The following RBMX2 variants were observed in gnomAD, a reference collection of about 807,000 sequenced individuals.
RBMX2 encodes RNA binding motif protein X-linked 2.
For missense variants in RBMX2, 191 were observed against 256.0 expected (o/e 0.75, Z 1.73); for synonymous variants, 77 against 94.3 (o/e 0.82, Z 1.07).
chrX:130,403,537 T>G (rs762320868), intron 2 of RBMX2, among the ~76,000 whole-genome samples: 1 of 110,797 alleles, frequency 9.0e-6, no homozygotes, highest in Non-Finnish European at 1.9e-5. Flanking sequence ...CCTGGCTGAT[T>G]TTTTTTTGTA....
rs1399516016 is a variant in RBMX2, at chrX:130,412,825, C to G, written c.946C>G (p.Pro316Ala). Residue 316 changes from proline (P) to alanine (A), a missense_variant, in exon 6 of 6, where the codon CCC becomes GCC. Coordinates refer to ENST00000305536, the MANE Select transcript of RBMX2 (RefSeq NM_016024.4). Reference protein sequence around the residue: ...RRSRERESSNPSDRWRH With the variant: ...RRSRERESSNASDRWRH ...CTCCCGGGAGCGGGAGTCTTCGAAT[C>G]CCAGTGACCGTTGGCGTCACTGAAG... The G allele has an allele frequency of 1.7e-6, 2 of 1,209,366 alleles. No individual in the cohort carries two copies. Among genetic ancestry groups the G allele is most frequent in the African/African-American group, 3.5e-5 (2 of 57,615 alleles).
chrX:130,405,729 C>T (rs1048355415), intron 3 of RBMX2, among the ~76,000 whole-genome samples: 13 of 109,225 alleles, frequency 1.2e-4, no homozygotes, highest in Non-Finnish European at 2.5e-4. Context: ...AAGGTTGTAC[C>T]AATTTCCACA....
intron 2 of RBMX2, among the ~76,000 whole-genome samples, chrX:130,403,593 G>T (rs903010014): frequency 9.0e-6 from 1 of 111,113 alleles, no homozygotes; most frequent in Non-Finnish European, 1.9e-5. Flanking sequence ...GGCTGGTCTC[G>T]AACACCTGAC....
At chrX:130,409,651 G>A (rs2034502695) in intron 4 of RBMX2, among the ~76,000 whole-genome samples, 1 of 111,637 alleles carries the variant, frequency 9.0e-6, no homozygotes, top group Admixed American at 9.5e-5. Flanking sequence ...TCTCATCCAG[G>A]CCTCTGTTTT....
chrX:130,411,961 C>T (rs765009921), intron 5 of RBMX2, among the ~76,000 whole-genome samples: 2 of 111,723 alleles, frequency 1.8e-5, no homozygotes, highest in African/African-American at 6.5e-5. Flanking sequence ...AAGTTTCTGT[C>T]GCCCAGGCTG....
At chrX:130,403,539 T>G (rs767745157) in intron 2 of RBMX2, among the ~76,000 whole-genome samples, 3 of 111,226 alleles carry the variant, frequency 2.7e-5, no homozygotes, top group Admixed American at 9.5e-5. Context: ...TGGCTGATTT[T>G]TTTTTGTATT....
chrX:130,406,673 CAAA>C (rs760646561), intron 3 of RBMX2, among the ~76,000 whole-genome samples: 5 of 58,753 alleles, frequency 8.5e-5, no homozygotes, highest in Non-Finnish European at 3.5e-5. Flanking sequence ...ACTCTGTCTC[CAAA>C]AAAAAAAAAA....
chrX:130,408,950 C>G (rs1320039720), intron 3 of RBMX2, among the ~76,000 whole-genome samples: 7 of 112,174 alleles, frequency 6.2e-5, no homozygotes, highest in African/African-American at 2.3e-4. Context: ...TTAATTGGCT[C>G]ATAACGTTTT....
At position 130,411,752 on chromosome X, in the gene RBMX2, C is replaced by T. The variant is rs765771417; in HGVS notation, c.481+227C>T. Among the ~76,000 whole-genome samples the T allele has an allele frequency of 3.3e-4, 37 of 110,708 alleles. 1 individual carries two copies. The Admixed American group carries it at 3.4e-3, about 10-fold the overall frequency. The stretch of plus-strand genomic sequence containing the variant: ...TCCTAACCCTCAGCACCTCAGAATG[C>T]GACTGTATTTGGAGATAAGGTCTTT... On this transcript the variant is annotated intron_variant, in intron 5 of 5. Transcript: ENST00000305536.
chrX:130,407,635 G>A (rs1257062023), intron 3 of RBMX2, among the ~76,000 whole-genome samples: 2 of 108,529 alleles, frequency 1.8e-5, no homozygotes, highest in Admixed American at 9.8e-5. Context: ...TTTGTAAGGC[G>A]TAAGGTAGTT....
intron 2 of RBMX2, 89 bp downstream of exon 2, chrX:130,402,459 T>A (rs201930419): frequency 8.9e-7 from 1 of 1,120,472 alleles, no homozygotes; most frequent in Non-Finnish European, 1.2e-6. Context: ...TCACTCCTGC[T>A]TACATTCATC....
intron 3 of RBMX2, among the ~76,000 whole-genome samples, chrX:130,405,840 T>TCATCATCAGTGAGGTTGAACATC (rs1569459974): frequency 1.1e-4 from 3 of 28,332 alleles, no homozygotes; most frequent in Admixed American, 3.8e-4. Context: ...TGCCTTTTTT[T>TCATCATCAGTGAGGTTGAACATC]TTTTTTTTTT....
rs777527532 is a variant in RBMX2, at chrX:130,413,513, T to G, written c.*665T>G. On this transcript the variant is annotated 3_prime_UTR_variant, in exon 6 of 6. Coordinates refer to ENST00000305536, the MANE Select transcript of RBMX2 (RefSeq NM_016024.4). ...GCCTCTGTCTAGTTCCAAAACATTT[T>G]TTATCATCCCAAAATGAAACCCTGT... Among the ~76,000 whole-genome samples the G allele has an allele frequency of 9.1e-6, 1 of 110,360 alleles. No individual in the cohort carries two copies. The highest frequency in any genetic ancestry group is 3.9e-4 in the South Asian group (1 of 2,549).
chrX:130,402,978 A>C (rs1463452959), intron 2 of RBMX2, among the ~76,000 whole-genome samples: 2 of 112,888 alleles, frequency 1.8e-5, no homozygotes, highest in Non-Finnish European at 3.7e-5. Context: ...TCTTATAATA[A>C]TCTTGCGAGT....
rs1323506903 is a variant in RBMX2 at position 130,413,036 on chromosome X, C to T, written c.*188C>T. 1 of 427,968 alleles carries T rather than the reference C, an allele frequency of 2.3e-6. No homozygotes were observed. The highest frequency in any genetic ancestry group is 3.9e-6 in the Non-Finnish European group (1 of 257,451). The allele number at this position is 427,968 out of a possible 1,213,427, so 35.3% of individuals were successfully genotyped here. A position where few individuals can be genotyped will look rare whatever the true frequency, so the allele number is the denominator to read the frequency against. On this transcript the variant is annotated 3_prime_UTR_variant, in exon 6 of 6. Transcript: ENST00000305536. Reference sequence around the variant, plus strand: ...ATATCCTGGATATTGTTTGCACCATCCATTGTCCCTGTACCAGAGTATGTA... The same window carrying T: ...ATATCCTGGATATTGTTTGCACCATTCATTGTCCCTGTACCAGAGTATGTA...
intron 5 of RBMX2, 35 bp downstream of exon 5, chrX:130,411,560 G>A: frequency 9.2e-7 from 1 of 1,091,726 alleles, no homozygotes; most frequent in Non-Finnish European, 1.2e-6. Flanking sequence ...GATTCTGGGT[G>A]GTCTTAATGT....
chrX:130,406,416 G>GTAATCCTA (rs1387801280), intron 3 of RBMX2, among the ~76,000 whole-genome samples: 2 of 109,801 alleles, frequency 1.8e-5, no homozygotes, highest in Non-Finnish European at 3.8e-5. Context: ...GCTCACGCCT[G>GTAATCCTA]TAATCCTAGC....
intron 2 of RBMX2, 131 bp downstream of exon 2, chrX:130,402,501 G>T: frequency 9.5e-7 from 1 of 1,049,289 alleles, no homozygotes; most frequent in South Asian, 2.4e-5. Context: ...CTGTCTGCCC[G>T]GGAATCCGTG....
rs776103740 is a variant in RBMX2, at chrX:130,402,664, G to T, written c.121+294G>T. Among the ~76,000 whole-genome samples, 27 of 111,794 alleles carry T rather than the reference G, an allele frequency of 2.4e-4. No individual in the cohort carries two copies. In the South Asian group the frequency reaches 9.4e-3, roughly 39 times the overall value. ...CCATTATACTGCTGAGGAAATTGGG[G>T]TGCAGAGAAGTTAAGGGACTTCCTT... On this transcript the variant is annotated intron_variant, in intron 2 of 5. Transcript: ENST00000305536.
Sources: allele counts gnomAD v4.1 joint callset (sites outside exome capture counted in the v4.1 genomes callset), GRCh38; gene constraint gnomAD v4.1.1; transcripts MANE v1.5; gene names NCBI Gene and HGNC (gene_info 2026-07-23, HGNC 2026-07-21).